Variants in TMEM217 observed in about 807,000 individuals in gnomAD.
TMEM217 encodes chromosome 6 open reading frame 128.
For synonymous variants in TMEM217, 76 were observed against 88.3 expected (o/e 0.86, Z 0.78); for missense variants, 204 against 248.8 (o/e 0.82, Z 1.21).
At chr6:37,255,334 G>A (rs1765656955) in intron 1 of TMEM217, among the ~76,000 whole-genome samples, 1 of 152,062 alleles carries the variant, frequency 6.6e-6, no homozygotes, top group East Asian at 1.9e-4. Context: ...GTACAATGGG[G>A]GCCATTGCAA....
At chr6:37,242,033 C>A (rs1030090773) in intron 1 of TMEM217, among the ~76,000 whole-genome samples, 1 of 139,450 alleles carries the variant, frequency 7.2e-6, no homozygotes, top group African/African-American at 2.7e-5. Context: ...TTTTTGCCTG[C>A]TCTTTCCCTG....
At chr6:37,239,845 A>T (rs1286707264) in intron 1 of TMEM217, among the ~76,000 whole-genome samples, 1 of 151,810 alleles carries the variant, frequency 6.6e-6, no homozygotes. Context: ...ACTTAAGCCC[A>T]GGGGTTTCAG....
At position 37,224,679 on chromosome 6, in the gene TMEM217, C is replaced by T. The variant is rs187345972; in HGVS notation, c.-11-5638G>A. 7.1e-3 allele frequency among the ~76,000 whole-genome samples: 1,079 copies of T among 152,014 alleles called. 18 individuals carry two copies. The highest frequency in any genetic ancestry group is 0.025 in the African/African-American group (1,036 of 41,470). On this transcript the variant is annotated intron_variant, in intron 1 of 1. Coordinates refer to ENST00000357219, the Ensembl canonical transcript of TMEM217. ...CCATGTTACCCAGGCTGGTCTCAAA[C>T]TCCTGGCCTCAAGTGACCCTCCCAC...
At chr6:37,231,210 C>A (rs1436038485) in intron 1 of TMEM217, among the ~76,000 whole-genome samples, 1 of 149,570 alleles carries the variant, frequency 6.7e-6, no homozygotes, top group South Asian at 2.1e-4. Context: ...CAGGTGCAAG[C>A]CACCATGCCT....
rs1425414832 is a variant in TMEM217, at chr6:37,217,954, C to T, written c.*468G>A. Reference sequence around the variant, plus strand: ...ATCACAATATCCTTTAACTAAATACCCTCAATGAGCAGGATGTTCCGGTTG... The same window carrying T: ...ATCACAATATCCTTTAACTAAATACTCTCAATGAGCAGGATGTTCCGGTTG... On this transcript the variant is annotated 3_prime_UTR_variant, in exon 2 of 2. Coordinates refer to ENST00000357219, the Ensembl canonical transcript of TMEM217. The T allele has an allele frequency of 5.1e-6, 5 of 986,990 alleles. No individual in the cohort carries two copies. In the African/African-American group the frequency reaches 7.0e-5, roughly 14 times the overall value. 61.1% of individuals were successfully genotyped at this position (986,990 alleles called of 1,614,324 possible). A position where few individuals can be genotyped will look rare whatever the true frequency, so the allele number is the denominator to read the frequency against.
At chr6:37,252,918 G>A (rs1473986959) in intron 1 of TMEM217, among the ~76,000 whole-genome samples, 1 of 151,204 alleles carries the variant, frequency 6.6e-6, no homozygotes, top group East Asian at 1.9e-4. Context: ...GGGATTGCAG[G>A]TGTGAGCTAC....
chr6:37,224,806 T>C (rs148898228), intron 1 of TMEM217, among the ~76,000 whole-genome samples: 636 of 152,140 alleles, frequency 4.2e-3, no homozygotes, highest in African/African-American at 0.014. Context: ...GATAACCTTT[T>C]CATAAAAATC....
At chr6:37,252,633 ATATATTTTTTTTT>A (rs1765493824) in intron 1 of TMEM217, among the ~76,000 whole-genome samples, 5 of 75,262 alleles carry the variant, frequency 6.6e-5, no homozygotes, top group African/African-American at 1.1e-4. Flanking sequence ...ATATATATAT[ATATATTTTTTTTT>A]TTTTTTTTTT....
chr6:37,249,228 C>T (rs1765256204), intron 1 of TMEM217, among the ~76,000 whole-genome samples: 1 of 152,286 alleles, frequency 6.6e-6, no homozygotes, highest in Non-Finnish European at 1.5e-5. Context: ...TTAAGCATAT[C>T]CATTTGTAGA....
At chr6:37,226,250 GTTTTGTTTTA>G (rs1290554402) in intron 1 of TMEM217, among the ~76,000 whole-genome samples, 33 of 72,214 alleles carry the variant, frequency 4.6e-4, no homozygotes, top group African/African-American at 1.2e-3. Context: ...TTTTTGTTTT[GTTTTGTTTTA>G]TTTTGTTTTT....
At chr6:37,215,059 A>G (rs1435243161), downstream of TMEM217, 3 of 1,082,316 alleles carry the variant, frequency 2.8e-6, no homozygotes, top group South Asian at 1.7e-5. Context: ...TATAAAGCCC[A>G]CTGGTTCCAC....
chr6:37,225,026 A>T (rs935391143), intron 1 of TMEM217, among the ~76,000 whole-genome samples: 1 of 150,980 alleles, frequency 6.6e-6, no homozygotes, highest in Non-Finnish European at 1.5e-5. Flanking sequence ...AAAAAAAAAA[A>T]CACCACCACC....
intron 1 of TMEM217, among the ~76,000 whole-genome samples, chr6:37,226,211 C>T (rs1348806021): frequency 6.6e-6 from 1 of 151,710 alleles, no homozygotes; most frequent in African/African-American, 2.4e-5. Flanking sequence ...AGAGATATCT[C>T]CCCTTTATCT....
intron 1 of TMEM217, among the ~76,000 whole-genome samples, chr6:37,244,745 G>A (rs1184581606): frequency 2.0e-5 from 3 of 152,200 alleles, no homozygotes; most frequent in African/African-American, 7.2e-5. Context: ...TAATACACAA[G>A]TTTGTGAGGT....
At chr6:37,243,655 A>G (rs1221494529) in intron 1 of TMEM217, among the ~76,000 whole-genome samples, 2 of 152,048 alleles carry the variant, frequency 1.3e-5, no homozygotes, top group African/African-American at 2.4e-5. Flanking sequence ...CTGGAGTGCA[A>G]TGGCATGATC....
intron 1 of TMEM217, among the ~76,000 whole-genome samples, chr6:37,252,631 A>ATT (rs1285210773): frequency 2.6e-5 from 2 of 77,326 alleles, no homozygotes; most frequent in African/African-American, 1.2e-4. Flanking sequence ...ATATATATAT[A>ATT]TATATATTTT....
chr6:37,213,778 G>A (rs372639845), downstream of TMEM217, among the ~76,000 whole-genome samples: 13 of 152,312 alleles, frequency 8.5e-5, no homozygotes, highest in African/African-American at 2.2e-4. Context: ...GGCCTACAGC[G>A]CAAACGTTCC....
In TMEM217 at chr6:37,247,604, T is replaced by C. The variant is rs564874653; in HGVS notation, c.-12+9964A>G. 4.6e-5 allele frequency among the ~76,000 whole-genome samples: 7 copies of C among 152,244 alleles called. No individual in the cohort carries two copies. The South Asian group carries it at 1.5e-3, about 32-fold the overall frequency. ...GGTTTCACCATGTTGGCCAGGATGGTCTCGATCTCCTGACCTCGTGATTCA... is the reference window on the plus strand; with the variant it reads ...GGTTTCACCATGTTGGCCAGGATGGCCTCGATCTCCTGACCTCGTGATTCA... On this transcript the variant is annotated intron_variant, in intron 1 of 1. Transcript: ENST00000357219.
intron 1 of TMEM217, among the ~76,000 whole-genome samples, chr6:37,231,671 CAAAA>C (rs1216609836): frequency 1.7e-5 from 1 of 60,398 alleles, no homozygotes; most frequent in East Asian, 4.6e-4. Flanking sequence ...GACTCCATCT[CAAAA>C]AAAAAAAAAA....
Sources: gnomAD v4.1 joint callset for allele counts (sites outside exome capture counted in the v4.1 genomes callset) on GRCh38, gnomAD v4.1.1 for gene constraint, MANE v1.5 for transcripts, NCBI Gene and HGNC (gene_info 2026-07-23, HGNC 2026-07-21) for gene names.